L2HGDH: variants seen among roughly 807,000 people sequenced by gnomAD.
L2HGDH encodes L-2-hydroxyglutarate dehydrogenase, mitochondrial.
L2HGDH carries 34 observed loss-of-function variants against 51.5 expected under a neutral mutation model. The observed-to-expected ratio is 0.66, with a 90% CI of 0.50 to 0.88. The LOEUF (loss-of-function observed/expected upper bound fraction) is 0.88. Among genes scored for constraint, L2HGDH ranks in the 40% least tolerant of loss-of-function variants. The pLI is 0.00. For missense variants in L2HGDH, 558 were observed against 571.9 expected, an observed-to-expected ratio of 0.98 and a Z score of 0.25; for synonymous variants, 198 against 197.9, an observed-to-expected ratio of 1.00 and a Z score of -0.01.
intron 5 of L2HGDH, among the ~76,000 whole-genome samples, chr14:50,279,275 T>C (rs1444404485): frequency 1.3e-5 from 2 of 152,146 alleles, no homozygotes; most frequent in East Asian, 1.9e-4. Context: ...CTCCTTCAAA[T>C]TTCTCAACAG....
chr14:50,303,091 C>T, intron 1 of L2HGDH, 74 bp from the exon 2 acceptor site: 2 of 890,802 alleles, frequency 2.2e-6, no homozygotes, highest in South Asian at 2.6e-5. Flanking sequence ...GCATAATTTT[C>T]ATCAATGGAC....
intron 9 of L2HGDH, among the ~76,000 whole-genome samples, chr14:50,256,845 T>C (rs1888695419): frequency 6.6e-6 from 1 of 152,172 alleles, no homozygotes; most frequent in Non-Finnish European, 1.5e-5. Context: ...AATTTTTAAG[T>C]ATTCTCTCCT....
intron 4 of L2HGDH, chr14:50,287,169 C>T (rs558650264): frequency 1.1e-4 from 106 of 984,064 alleles, no homozygotes; most frequent in Non-Finnish European, 1.3e-4. Flanking sequence ...TCTCACTGAC[C>T]TCATTCCAAG....
intron 4 of L2HGDH, among the ~76,000 whole-genome samples, chr14:50,291,605 C>A (rs564625720): frequency 6.6e-6 from 1 of 152,138 alleles, no homozygotes; most frequent in Non-Finnish European, 1.5e-5. Flanking sequence ...ATACCAGCAG[C>A]GTCTTAGGAG....
At chr14:50,287,113 C>A in intron 4 of L2HGDH, 2 of 896,348 alleles carry the variant, frequency 2.2e-6, no homozygotes, top group African/African-American at 1.8e-5. Flanking sequence ...TTATAAGACA[C>A]AAAAATATGT....
rs779489475 is a variant in L2HGDH at position 50,312,085 on chromosome 14, G to C, written c.66C>G (p.Gly22=). The change falls in exon 1 of 10, where the codon GGC becomes GGG. Residue 22 remains glycine, a synonymous_variant. Transcript: ENST00000267436. ...CGRARGLFAG[G]SPGACGFASG... is the part of the protein sequence containing the mutation. Reference sequence around the variant, plus strand: ...ACGCGAACCCGCACGCCCCAGGGGAGCCACCGGCGAAAAGCCCGCGGGCCC... The same window carrying C: ...ACGCGAACCCGCACGCCCCAGGGGACCCACCGGCGAAAAGCCCGCGGGCCC... 5 of 1,605,822 alleles carry C rather than the reference G, an allele frequency of 3.1e-6. No homozygotes were observed. The highest frequency in any genetic ancestry group is 4.2e-6 in the Non-Finnish European group (5 of 1,177,228).
intron 6 of L2HGDH, among the ~76,000 whole-genome samples, chr14:50,273,550 AT>A (rs561689998): frequency 7.3e-5 from 11 of 150,552 alleles, no homozygotes; most frequent in South Asian, 4.2e-4. Flanking sequence ...GGTCTCAGCA[AT>A]TTTTTTTTTA....
Position 50,246,192 on chromosome 14 carries a change from G to A in L2HGDH, c.*866C>T, listed in dbSNP as rs1224933175. 3 of 151,674 alleles carry A rather than the reference G, an allele frequency of 2.0e-5. No individual in the cohort carries two copies. The highest frequency in any genetic ancestry group is 6.6e-5 in the Admixed American group (1 of 15,186). The allele number at this position is 151,674 out of a possible 1,614,324, so 9.4% of individuals were successfully genotyped here. A position where few individuals can be genotyped will look rare whatever the true frequency, so the allele number is the denominator to read the frequency against. On this transcript the variant is annotated 3_prime_UTR_variant, in exon 10 of 10. Transcript: ENST00000267436. The stretch of plus-strand genomic sequence containing the variant: ...TGTACCTTGCCTCTTTATTCGCAAA[G>A]TAAATAAGCATGGAATTTATTTTTT...
Position 50,243,820 on chromosome 14 carries a change from T to C in L2HGDH, c.*3238A>G, listed in dbSNP as rs1242128358. The C allele has an allele frequency of 7.4e-6, 1 of 134,886 alleles. No individual in the cohort carries two copies. The highest frequency in any genetic ancestry group is 1.6e-5 in the Non-Finnish European group (1 of 62,236). The allele number at this position is 134,886 out of a possible 1,614,324, so 8.4% of individuals were successfully genotyped here. A position where few individuals can be genotyped will look rare whatever the true frequency, so the allele number is the denominator to read the frequency against. On this transcript the variant is annotated 3_prime_UTR_variant, in exon 10 of 10. Coordinates refer to ENST00000267436, the MANE Select transcript of L2HGDH (RefSeq NM_024884.3). The stretch of plus-strand genomic sequence containing the variant: ...TAGCATTAGGTATATCTCCTAATGC[T>C]ATCCCTCCCCCCTCCCCCCACCCCA...
intron 1 of L2HGDH, among the ~76,000 whole-genome samples, chr14:50,303,841 T>C (rs1167628045): frequency 7.3e-6 from 1 of 136,330 alleles, no homozygotes; most frequent in Admixed American, 7.3e-5. Flanking sequence ...TCAAAAGTTA[T>C]ACGCATCACT....
At position 50,302,884 on chromosome 14, in the gene L2HGDH, CA is replaced by C. The variant is rs1283526422; in HGVS notation, c.256+17del. Reference sequence around the variant, plus strand: ...ATGCCCAAGTAAGCCCAAAGAACAACATTGATTATATACATACCTAAATCTT... The same window carrying C: ...ATGCCCAAGTAAGCCCAAAGAACAACTTGATTATATACATACCTAAATCTT... On this transcript the variant is annotated intron_variant, in intron 2 of 9. Transcript: ENST00000267436. 9.8e-6 allele frequency: 15 copies of C among 1,525,910 alleles called. No individual in the cohort carries two copies. Among genetic ancestry groups the C allele is most frequent in the African/African-American group, 1.4e-5 (1 of 73,216 alleles). 94.5% of individuals were successfully genotyped at this position (1,525,910 alleles called of 1,614,324 possible).
intron 5 of L2HGDH, 49 bp downstream of exon 5, chr14:50,283,822 G>A (rs1032601124): frequency 6.5e-7 from 1 of 1,549,062 alleles, no homozygotes; most frequent in African/African-American, 1.4e-5. Flanking sequence ...CAAAACCCAT[G>A]GATATGGAGG....
intron 6 of L2HGDH, among the ~76,000 whole-genome samples, chr14:50,278,184 C>T (rs1307074704): frequency 6.6e-6 from 1 of 152,202 alleles, no homozygotes; most frequent in Non-Finnish European, 1.5e-5. Context: ...GGACAACCTG[C>T]ATACTCCCTC....
At chr14:50,290,287 A>G (rs964139931) in intron 4 of L2HGDH, among the ~76,000 whole-genome samples, 2 of 152,050 alleles carry the variant, frequency 1.3e-5, no homozygotes, top group Non-Finnish European at 2.9e-5. Context: ...ACAAAAACAA[A>G]CAAACAAAAA....
In L2HGDH at chr14:50,294,116, C is replaced by G; in HGVS notation, c.539G>C (p.Arg180Thr). ...AACATCCCTTTGTTAATCACTTACC[C>G]TACAATATGGCTCCTTCTTTTTTAT... is the stretch of plus-strand genomic sequence containing the variant. ...EDIKKKEPYC[R>T]GLMAIDCPHT... The change falls in exon 4 of 10, where the codon AGG becomes ACG. Residue 180 changes from arginine (R) to threonine (T), a missense_variant and splice_region_variant. This residue lies in a region of L2HGDH where 43 missense variants were observed against 72.9 expected (regional missense o/e 0.59). Transcript: ENST00000267436. The G allele has an allele frequency of 3.1e-6, 5 of 1,613,794 alleles. No individual in the cohort carries two copies. The highest frequency in any genetic ancestry group is 3.4e-6 in the Non-Finnish European group (4 of 1,179,820).
intron 1 of L2HGDH, among the ~76,000 whole-genome samples, chr14:50,309,259 T>C (rs1376806858): frequency 1.3e-5 from 2 of 152,196 alleles, no homozygotes; most frequent in African/African-American, 2.4e-5. Flanking sequence ...ATACTGAATA[T>C]TTGGTGATAT....
chr14:50,291,213 AAAAAAAAAAAAC>A (rs1890868609), intron 4 of L2HGDH, among the ~76,000 whole-genome samples: 1 of 149,366 alleles, frequency 6.7e-6, no homozygotes, highest in Non-Finnish European at 1.5e-5. Flanking sequence ...AAAAAAAAAA[AAAAAAAAAAAAC>A]AAACAAAAAA....
intron 5 of L2HGDH, among the ~76,000 whole-genome samples, chr14:50,279,002 T>G (rs1460558384): frequency 6.6e-6 from 1 of 152,228 alleles, no homozygotes; most frequent in African/African-American, 2.4e-5. Context: ...ACACAAAAAC[T>G]TCTAATAAAA....
intron 5 of L2HGDH, among the ~76,000 whole-genome samples, chr14:50,278,850 C>T (rs181742987): frequency 4.5e-4 from 69 of 152,208 alleles, no homozygotes; most frequent in Non-Finnish European, 5.4e-4. Flanking sequence ...TCCTGGAAAC[C>T]GCAATGTAAA....
Sources: allele counts gnomAD v4.1 joint callset (sites outside exome capture counted in the v4.1 genomes callset), GRCh38; gene constraint gnomAD v4.1.1; regional missense constraint gnomAD v4.1.1; transcripts MANE v1.5; gene names NCBI Gene and HGNC (gene_info 2026-07-23, HGNC 2026-07-21).